Variants in FYB1 observed in about 807,000 individuals in gnomAD.
FYB1 encodes FYN binding protein 1, also known as FYN-binding protein 1.
A neutral mutation model predicts 94.1 loss-of-function variants in FYB1; 41 were observed. That is an observed-to-expected ratio of 0.44 (90% confidence interval 0.34 to 0.57). The LOEUF (loss-of-function observed/expected upper bound fraction) is 0.57. Among genes scored for constraint, FYB1 ranks in the 20% least tolerant of loss-of-function variants. The pLI is 0.02. For synonymous variants in FYB1, 367 were observed against 353.2 expected (o/e 1.04, Z -0.44); for missense variants, 1,050 against 976.8 (o/e 1.07, Z -1.00).
chr5:39,198,538 G>T (rs1421779620), intron 2 of FYB1, among the ~76,000 whole-genome samples: 3 of 152,132 alleles, frequency 2.0e-5, no homozygotes, highest in Non-Finnish European at 4.4e-5. Context: ...ATTTATGACA[G>T]TTCAAATTAA....
chr5:39,138,806 C>T (rs892502032), intron 5 of FYB1, 115 bp from the exon 6 acceptor site: 1 of 715,134 alleles, frequency 1.4e-6, no homozygotes, highest in Non-Finnish European at 2.5e-6. Context: ...TAATTTGAAC[C>T]ACATATTAAA....
At chr5:39,187,720 C>T (rs1746968968) in intron 2 of FYB1, among the ~76,000 whole-genome samples, 1 of 152,136 alleles carries the variant, frequency 6.6e-6, no homozygotes, top group Non-Finnish European at 1.5e-5. Flanking sequence ...GCCATTATGG[C>T]CTTTATCAAC....
intron 16 of FYB1, 198 bp from the exon 17 acceptor site, chr5:39,110,587 T>C (rs948951612): frequency 2.1e-6 from 1 of 468,514 alleles, no homozygotes; most frequent in South Asian, 3.7e-5. Context: ...CTAACTTTTC[T>C]CTTTCTCCAG....
rs765294605 is a variant in FYB1, at chr5:39,141,170, C to T, written c.1293-29G>A. 4.0e-6 allele frequency: 6 copies of T among 1,496,970 alleles called. No individual in the cohort carries two copies. The African/African-American group carries it at 8.3e-5, about 21-fold the overall frequency. 92.7% of individuals were successfully genotyped at this position (1,496,970 alleles called of 1,614,324 possible). A position where few individuals can be genotyped will look rare whatever the true frequency, so the allele number is the denominator to read the frequency against. On this transcript the variant is annotated intron_variant, in intron 3 of 18. Coordinates refer to ENST00000512982, the MANE Select transcript of FYB1 (RefSeq NM_001465.6). The stretch of plus-strand genomic sequence containing the variant: ...AAAACGAGAAAGAAGAAACAGTGAA[C>T]ATGGAACAAGTAGATGCTCACCTTA...
At chr5:39,198,459 C>T (rs968982380) in intron 2 of FYB1, among the ~76,000 whole-genome samples, 2 of 152,062 alleles carry the variant, frequency 1.3e-5, no homozygotes, top group African/African-American at 2.4e-5. Flanking sequence ...TTTTGAAAGT[C>T]CTTTGAAAAA....
intron 3 of FYB1, among the ~76,000 whole-genome samples, chr5:39,142,745 T>A (rs1371063767): frequency 6.6e-6 from 1 of 152,222 alleles, no homozygotes; most frequent in Non-Finnish European, 1.5e-5. Context: ...CTTTCCCGAC[T>A]GCAATCTTTC....
chr5:39,252,024 A>G (rs984312441), intron 1 of FYB1, among the ~76,000 whole-genome samples: 4 of 152,300 alleles, frequency 2.6e-5, no homozygotes, highest in African/African-American at 9.6e-5. Flanking sequence ...GGGCGCCTGT[A>G]GTCCCAGCTA....
chr5:39,148,274 C>T (rs1412428392), intron 3 of FYB1, among the ~76,000 whole-genome samples: 1 of 134,650 alleles, frequency 7.4e-6, no homozygotes, highest in Non-Finnish European at 1.6e-5. Flanking sequence ...ATGTGATTGG[C>T]TCACCTCGGC....
In FYB1 at chr5:39,141,085, T is replaced by C. The variant is rs1252468999; in HGVS notation, c.1339+10A>G. The C allele has an allele frequency of 6.4e-7, 1 of 1,560,192 alleles. No homozygotes were observed. The highest frequency in any genetic ancestry group is 1.2e-5 in the South Asian group (1 of 85,072). On this transcript the variant is annotated intron_variant, in intron 4 of 18. Coordinates refer to ENST00000512982, the MANE Select transcript of FYB1 (RefSeq NM_001465.6). ...CAAATAAATAAATAAAATATGTTTT[T>C]GTCGTTTACCATCAGAGTGCGTGAC... is the stretch of plus-strand genomic sequence containing the variant.
chr5:39,128,431 T>C (rs1471441992), intron 10 of FYB1, among the ~76,000 whole-genome samples: 1 of 152,160 alleles, frequency 6.6e-6, no homozygotes, highest in African/African-American at 2.4e-5. Context: ...ACTTTTAGTA[T>C]GAGAACTTTA....
chr5:39,160,749 C>T (rs910302345), intron 2 of FYB1, among the ~76,000 whole-genome samples: 1 of 152,200 alleles, frequency 6.6e-6, no homozygotes, highest in African/African-American at 2.4e-5. Context: ...ATCTGCCAAG[C>T]ACACAGTAGG....
At chr5:39,232,603 C>T (rs1415403870) in intron 1 of FYB1, among the ~76,000 whole-genome samples, 1 of 150,828 alleles carries the variant, frequency 6.6e-6, no homozygotes, top group African/African-American at 2.5e-5. Context: ...TTTTAGGGTA[C>T]ATGTGCACAT....
intron 1 of FYB1, among the ~76,000 whole-genome samples, chr5:39,215,752 T>C (rs1388154784): frequency 6.6e-6 from 1 of 152,160 alleles, no homozygotes. Flanking sequence ...GTGAATGGGA[T>C]TGGAATGCAG....
rs1803052 is a variant in FYB1 at position 39,201,839 on chromosome 5, G to A, written c.1122C>T (p.Thr374=). The change falls in exon 2 of 19, where the codon ACC becomes ACT. Residue 374 remains threonine, a synonymous_variant. Transcript: ENST00000512982. ...PNVDLTKFHK[T]SSGNSTSKGQ... is the part of the protein sequence containing the mutation. The stretch of plus-strand genomic sequence containing the variant: ...AAAAGAACTCACTGTTTCCAGAAGA[G>A]GTTTTGTGGAATTTCGTCAGGTCAA... The A allele has an allele frequency of 3.1e-6, 5 of 1,612,180 alleles. No homozygotes were observed. In the East Asian group the frequency reaches 1.1e-4, roughly 36 times the overall value.
chr5:39,154,119 A>G (rs1287125316), intron 2 of FYB1, among the ~76,000 whole-genome samples: 1 of 152,128 alleles, frequency 6.6e-6, no homozygotes, highest in Non-Finnish European at 1.5e-5. Flanking sequence ...GATGTATTAC[A>G]TATATGTATA....
At chr5:39,262,537 G>C (rs265723) in intron 1 of FYB1, among the ~76,000 whole-genome samples, 149,023 of 152,338 alleles carry the variant, frequency 0.98, 72,984 homozygotes, top group East Asian at 1. Context: ...AACTTTTGTA[G>C]AAGGCTGATG....
chr5:39,145,179 A>G (rs1230653279), intron 3 of FYB1, among the ~76,000 whole-genome samples: 1 of 152,200 alleles, frequency 6.6e-6, no homozygotes, highest in Non-Finnish European at 1.5e-5. Flanking sequence ...CAATAAATAT[A>G]CTTCTTAAAA....
At chr5:39,131,442 C>T (rs1164123982) in intron 9 of FYB1, among the ~76,000 whole-genome samples, 4 of 152,162 alleles carry the variant, frequency 2.6e-5, no homozygotes, top group Admixed American at 2.0e-4. Context: ...CAACAGATAT[C>T]AGTTTAATGT....
chr5:39,180,620 A>T (rs1561221943), intron 2 of FYB1, among the ~76,000 whole-genome samples: 2 of 152,174 alleles, frequency 1.3e-5, no homozygotes, highest in African/African-American at 2.4e-5. Context: ...TTGAGATGGA[A>T]GCAGAGCTAT....
Sources: allele counts gnomAD v4.1 joint callset (sites outside exome capture counted in the v4.1 genomes callset), GRCh38; gene constraint gnomAD v4.1.1; transcripts MANE v1.5; gene names NCBI Gene and HGNC (gene_info 2026-07-23, HGNC 2026-07-21).